Variants in GLIS3 observed in about 807,000 individuals in gnomAD.
GLIS3 encodes zinc finger protein GLIS3.
A neutral mutation model predicts 78.6 loss-of-function variants in GLIS3; 53 were observed. That is an observed-to-expected ratio of 0.67 (90% CI 0.54 to 0.85). GLIS3 has a LOEUF of 0.85. Among genes scored for constraint, GLIS3 ranks in the 40% least tolerant of loss-of-function variants. GLIS3 has a pLI of 0.00. For missense variants in GLIS3, 1,703 were observed against 1,231.1 expected, an observed-to-expected ratio of 1.38 and a Z score of -5.74; for synonymous variants, 684 against 509.9, an observed-to-expected ratio of 1.34 and a Z score of -4.60.
At chr9:4,027,529 T>C (rs1421089892) in intron 4 of GLIS3, among the ~76,000 whole-genome samples, 1 of 152,192 alleles carries the variant, frequency 6.6e-6, no homozygotes, top group Non-Finnish European at 1.5e-5. Flanking sequence ...CCCAATTCTA[T>C]TGTTCAGTTA....
intron 2 of GLIS3, among the ~76,000 whole-genome samples, chr9:4,237,738 C>T (rs1822901327): frequency 6.6e-6 from 1 of 152,208 alleles, no homozygotes; most frequent in African/African-American, 2.4e-5. Flanking sequence ...ATTTTCCCCA[C>T]TGTTTCATTT....
the GLIS3 span, among the ~76,000 whole-genome samples, chr9:4,372,388 C>T: frequency 6.6e-6 from 1 of 151,950 alleles, no homozygotes; most frequent in East Asian, 1.9e-4. Context: ...GGTGGTACTG[C>T]CCCTCCCATG....
intron 9 of GLIS3, among the ~76,000 whole-genome samples, chr9:3,849,960 G>C (rs997407627): frequency 1.3e-5 from 2 of 152,096 alleles, no homozygotes; most frequent in Non-Finnish European, 2.9e-5. Context: ...GCACACTGGG[G>C]TTGTTGGTGC....
chr9:4,252,732 C>T (rs908295760), intron 2 of GLIS3, among the ~76,000 whole-genome samples: 1 of 152,156 alleles, frequency 6.6e-6, no homozygotes, highest in South Asian at 2.1e-4. Flanking sequence ...CTGGATTTCC[C>T]TCATCTTCGT....
At chr9:4,351,778 C>T (rs1817975302), upstream of GLIS3, among the ~76,000 whole-genome samples, 1 of 152,018 alleles carries the variant, frequency 6.6e-6, no homozygotes, top group Admixed American at 6.5e-5. Flanking sequence ...AGTTTCTAAG[C>T]CTCTTCAAAG....
intron 9 of GLIS3, among the ~76,000 whole-genome samples, chr9:3,839,165 G>C (rs1563763903): frequency 6.6e-6 from 1 of 152,144 alleles, no homozygotes; most frequent in Non-Finnish European, 1.5e-5. Context: ...ACAATGAGAT[G>C]GAAGCAGAGG....
the GLIS3 span, among the ~76,000 whole-genome samples, chr9:4,471,866 G>A: frequency 2.0e-5 from 3 of 152,156 alleles, no homozygotes; most frequent in Non-Finnish European, 4.4e-5. Flanking sequence ...GTCTGACAGA[G>A]GGCTAATATC....
rs1413075559 is a variant in GLIS3, at chr9:4,065,746, T to A, written c.1710+52022A>T. Among the ~76,000 whole-genome samples, 3 of 152,156 alleles carry A rather than the reference T, an allele frequency of 2.0e-5. No individual in the cohort carries two copies. The East Asian group carries it at 5.8e-4, about 29-fold the overall frequency. ...CAAGTGAAGAGGTCTAAGATGCTAG[T>A]GTTTGGCTACACTTTTATGGATGTA... is the stretch of plus-strand genomic sequence containing the variant. On this transcript the variant is annotated intron_variant, in intron 4 of 10. Coordinates refer to ENST00000381971, the MANE Select transcript of GLIS3 (RefSeq NM_001042413.2).
intron 2 of GLIS3, among the ~76,000 whole-genome samples, chr9:4,235,141 T>C (rs11794625): frequency 2.0e-5 from 3 of 151,334 alleles, no homozygotes; most frequent in Admixed American, 6.6e-5. Context: ...TACTAAAAAT[T>C]TAAAAAAAAT....
At chr9:4,157,378 G>A (rs1277294846) in intron 2 of GLIS3, among the ~76,000 whole-genome samples, 5 of 152,128 alleles carry the variant, frequency 3.3e-5, no homozygotes, top group South Asian at 2.1e-4. Context: ...AACAGGGCAC[G>A]ATTTTGCATG....
In GLIS3 at chr9:3,870,123, T is replaced by C. The variant is rs116176900; in HGVS notation, c.2297+9304A>G. On this transcript the variant is annotated intron_variant, in intron 8 of 10. Coordinates refer to ENST00000381971, the MANE Select transcript of GLIS3 (RefSeq NM_001042413.2). ...TGCAAAGCCATTGAGTTGAAAATCG[T>C]TGCTGTCTTTGACCCTTTAGCATCC... 5.4e-3 allele frequency among the ~76,000 whole-genome samples: 816 copies of C among 152,310 alleles called. 10 individuals are homozygous for C. Among genetic ancestry groups the C allele is most frequent in the African/African-American group, 0.019 (793 of 41,560 alleles).
At chr9:4,385,735 GAAAAAGAAAGAA>G in the GLIS3 span, among the ~76,000 whole-genome samples, 4 of 17,654 alleles carry the variant, frequency 2.3e-4, 2 homozygotes, top group East Asian at 9.0e-3. Flanking sequence ...AAGAAAGAAA[GAAAAAGAAAGAA>G]AGAAAGAAAG....
chr9:4,218,664 G>C (rs1022636182), intron 2 of GLIS3, among the ~76,000 whole-genome samples: 2 of 152,186 alleles, frequency 1.3e-5, no homozygotes, highest in African/African-American at 4.8e-5. Context: ...GAGCACTTGA[G>C]ATGTGGCTAG....
At chr9:3,988,886 C>G (rs1588398663) in intron 4 of GLIS3, among the ~76,000 whole-genome samples, 3 of 152,002 alleles carry the variant, frequency 2.0e-5, no homozygotes, top group African/African-American at 7.2e-5. Context: ...ATACCAAAAC[C>G]ATGATCCATA....
rs1168520015 is a variant in GLIS3 at position 4,286,225 on chromosome 9, C to T, written c.201G>A (p.Gly67=). The change falls in exon 2 of 11, where the codon GGG becomes GGA. Residue 67 remains glycine, a synonymous_variant. Coordinates refer to ENST00000381971, the MANE Select transcript of GLIS3 (RefSeq NM_001042413.2). ...CAGCCACGTTGTTCTGAGGAGCCATCCCTCCTCCTGAGGGCATCTTGAGAT... is the reference window on the plus strand; with the variant it reads ...CAGCCACGTTGTTCTGAGGAGCCATTCCTCCTCCTGAGGGCATCTTGAGAT... ...NLHLKMPSGG[G]MAPQNNVAES... is the part of the protein sequence containing the mutation. 1 of 1,614,210 alleles carries T rather than the reference C, an allele frequency of 6.2e-7. No individual in the cohort carries two copies. Among genetic ancestry groups the T allele is most frequent in the Non-Finnish European group, 8.5e-7 (1 of 1,180,038 alleles).
chr9:4,404,356 C>T, the GLIS3 span, among the ~76,000 whole-genome samples: 1 of 152,132 alleles, frequency 6.6e-6, no homozygotes, highest in Non-Finnish European at 1.5e-5. Context: ...TAAATCTGCG[C>T]TATGGAACAA....
chr9:4,242,463 G>GTAT (rs1488180947), intron 2 of GLIS3, among the ~76,000 whole-genome samples: 5 of 152,098 alleles, frequency 3.3e-5, no homozygotes, highest in Non-Finnish European at 7.4e-5. Flanking sequence ...AACCACAGTG[G>GTAT]CATTCCAAAG....
intron 4 of GLIS3, among the ~76,000 whole-genome samples, chr9:4,026,490 CA>C (rs1275273197): frequency 6.6e-6 from 1 of 152,006 alleles, no homozygotes; most frequent in South Asian, 2.1e-4. Flanking sequence ...CTCCATTTTC[CA>C]AAAAGCATTT....
chr9:4,187,625 T>C (rs1388760393), intron 2 of GLIS3, among the ~76,000 whole-genome samples: 1 of 152,236 alleles, frequency 6.6e-6, no homozygotes, highest in Non-Finnish European at 1.5e-5. Flanking sequence ...TTCCTACCCA[T>C]GAGCATGGAA....
Sources: gnomAD v4.1 joint callset for allele counts (sites outside exome capture counted in the v4.1 genomes callset) on GRCh38, gnomAD v4.1.1 for gene constraint, MANE v1.5 for transcripts, NCBI Gene and HGNC (gene_info 2026-07-23, HGNC 2026-07-21) for gene names.